The following ADAR variants were observed in gnomAD, a reference collection of about 807,000 sequenced individuals.
The protein encoded by ADAR is double-stranded RNA-specific adenosine deaminase.
A neutral mutation model predicts 113.2 loss-of-function variants in ADAR; 41 were observed. That is an observed-to-expected ratio of 0.36 (90% CI 0.28 to 0.47). ADAR has a LOEUF of 0.47. Among genes scored for constraint, ADAR ranks in the 20% least tolerant of loss-of-function variants. The pLI is 1.00. For synonymous variants in ADAR, 605 were observed against 572.6 expected, an observed-to-expected ratio of 1.06 and a Z score of -0.81; for missense variants, 1,242 against 1,540.9, an observed-to-expected ratio of 0.81 and a Z score of 3.25.
At chr1:154,605,075 C>T (rs778716061) in intron 1 of ADAR, among the ~76,000 whole-genome samples, 2 of 152,184 alleles carry the variant, frequency 1.3e-5, no homozygotes, top group Non-Finnish European at 2.9e-5. Flanking sequence ...CTTTGCTGCC[C>T]GCCTCCTGGC....
chr1:154,627,198 C>T (rs1698963879), intron 1 of ADAR, among the ~76,000 whole-genome samples: 1 of 152,204 alleles, frequency 6.6e-6, no homozygotes, highest in African/African-American at 2.4e-5. Context: ...GGCCGGATTA[C>T]CCTCTAGTGG....
intron 1 of ADAR, among the ~76,000 whole-genome samples, chr1:154,621,996 G>A (rs1553218116): frequency 6.6e-6 from 1 of 152,136 alleles, no homozygotes; most frequent in Non-Finnish European, 1.5e-5. Context: ...GTGTGGCGTG[G>A]CTAGGGTTCC....
At chr1:154,596,076 G>A (rs915881705) in intron 6 of ADAR, among the ~76,000 whole-genome samples, 4 of 152,130 alleles carry the variant, frequency 2.6e-5, no homozygotes, top group African/African-American at 9.7e-5. Context: ...ATGCCATCTA[G>A]GTTTATGTAA....
chr1:154,594,970 A>C (rs1454444371), intron 6 of ADAR, among the ~76,000 whole-genome samples: 1 of 152,240 alleles, frequency 6.6e-6, no homozygotes, highest in Non-Finnish European at 1.5e-5. Flanking sequence ...ACTGCATAAC[A>C]GTGTTTTGTT....
chr1:154,586,247 G>A lies in ADAR; in HGVS notation c.3136C>T (p.Leu1046=). ...GTCAACAGTGCCCCTTGCAGGCCCA[G>A]CACGTTCCAGCGTAGGATTTTGTCA... The part of the protein sequence containing the change: ...CSDKILRWNV[L]GLQGALLTHF... Residue 1046 remains leucine, a synonymous_variant, in exon 12 of 15, where the codon CTG becomes TTG. Coordinates refer to ENST00000368474, the MANE Select transcript of ADAR (RefSeq NM_001111.5). 6.2e-7 allele frequency: 1 copy of A among 1,614,212 alleles called. No individual in the cohort carries two copies. Among genetic ancestry groups the A allele is most frequent in the Non-Finnish European group, 8.5e-7 (1 of 1,180,038 alleles).
chr1:154,601,505 T>G lies in ADAR; in HGVS notation c.1137A>C (p.Ala379=), dbSNP rs757766736. The change falls in exon 2 of 15, where the codon GCA becomes GCC. Residue 379 remains alanine, a synonymous_variant. Transcript: ENST00000368474. The surrounding 1 kb of genome is among the most constrained non-coding windows in gnomAD (Gnocchi z 4.7). The part of the protein sequence containing the change: ...TNSVPETAPA[A]IPETKRNAEF... The stretch of plus-strand genomic sequence containing the variant: ...CTGCGTTTCTTTTGGTCTCAGGGAT[T>G]GCAGCTGGAGCGGTTTCAGGAACAC... 30 of 1,614,062 alleles carry G rather than the reference T, an allele frequency of 1.9e-5. No homozygotes were observed. The highest frequency in any genetic ancestry group is 3.3e-5 in the Admixed American group (2 of 60,020).
At chr1:154,593,636 A>G (rs546468355) in intron 6 of ADAR, among the ~76,000 whole-genome samples, 1 of 152,226 alleles carries the variant, frequency 6.6e-6, no homozygotes, top group Non-Finnish European at 1.5e-5. Context: ...ATGAATTAGT[A>G]GAAGAGCAGC....
Position 154,601,843 on chromosome 1 carries a change from G to C in ADAR, c.799C>G (p.Gln267Glu). 1 of 1,614,228 alleles carries C rather than the reference G, an allele frequency of 6.2e-7. No individual in the cohort carries two copies. The highest frequency in any genetic ancestry group is 8.5e-7 in the Non-Finnish European group (1 of 1,180,040). Reference sequence around the variant, plus strand: ...CCTGGGTCTGAGTTTGGGGATCCTTGGCTATGACTGTCTGGTCTTACCACT... The same window carrying C: ...CCTGGGTCTGAGTTTGGGGATCCTTCGCTATGACTGTCTGGTCTTACCACT... ...SGVVRPDSHS[Q>E]GSPNSDPGLE... Residue 267 changes from glutamine to glutamate, a missense_variant, in exon 2 of 15, where the codon CAA (glutamine) becomes GAA (glutamate). Gln to Glu is a conservative substitution (Grantham distance 29). Transcript: ENST00000368474. This position sits in a 1 kb window ranked among gnomAD's most constrained non-coding sequence, Gnocchi z 4.7.
Position 154,601,194 on chromosome 1 carries a change from T to C in ADAR, c.1448A>G (p.Tyr483Cys), listed in dbSNP as rs749568324. The change falls in exon 2 of 15, where the codon TAC becomes TGC. Residue 483 changes from tyrosine to cysteine, a missense_variant. Physicochemically the swap from Tyr to Cys is radical, Grantham distance 194 (BLOSUM62 -2). Transcript: ENST00000368474. The surrounding 1 kb of genome is among the most constrained non-coding windows in gnomAD (Gnocchi z 4.7). The stretch of plus-strand genomic sequence containing the variant: ...TGAACACCGTGGCAAGCCATGACTG[T>C]AGAAGGAGGGCATCTCCATGATGGC... ...FRAIMEMPSF[Y>C]SHGLPRCSPY... 1.6e-5 allele frequency: 26 copies of C among 1,614,188 alleles called. No individual in the cohort carries two copies. Among genetic ancestry groups the C allele is most frequent in the Non-Finnish European group, 1.7e-5 (20 of 1,180,014 alleles).
In ADAR at chr1:154,589,480, A is replaced by T. The variant is rs1205387812; in HGVS notation, c.2669-18T>A. On this transcript the variant is annotated intron_variant, in intron 8 of 14. Transcript: ENST00000368474. Reference sequence around the variant, plus strand: ...GCGATTCCCTAGGAAGGTGTTTAAAACAGAAATAGAATAATGGAAGGAAAC... The same window carrying T: ...GCGATTCCCTAGGAAGGTGTTTAAATCAGAAATAGAATAATGGAAGGAAAC... 6.3e-7 allele frequency: 1 copy of T among 1,594,282 alleles called. No individual in the cohort carries two copies. Among genetic ancestry groups the T allele is most frequent in the Non-Finnish European group, 8.6e-7 (1 of 1,162,196 alleles).
chr1:154,621,339 A>G (rs558407849), intron 1 of ADAR, among the ~76,000 whole-genome samples: 1 of 152,142 alleles, frequency 6.6e-6, no homozygotes, highest in South Asian at 2.1e-4. Context: ...TTATGCTCAC[A>G]AGCAAAAGAA....
exon 1 of ADAR, chr1:154,627,918 T>TCCCCCCCCCCCCCCCCCCCC: frequency 3.3e-5 from 13 of 399,600 alleles, no homozygotes; most frequent in Non-Finnish European, 4.9e-5. Context: ...GCCGCGACCC[T>TCCCCCCCCCCCCCCCCCCCC]CCCCCCACCC....
chr1:154,588,234 G>C lies in ADAR; in HGVS notation c.2910C>G (p.Ala970=). ...YISTAPCGDG[A]LFDKSCSDRA... ...GGTCGCTGCAGGACTTGTCAAAGAG[G>C]GCGCCATCTCCACACGGAGCAGTGC... Residue 970 remains alanine, a synonymous_variant, in exon 11 of 15, where the codon GCC becomes GCG. Coordinates refer to ENST00000368474, the MANE Select transcript of ADAR (RefSeq NM_001111.5). The C allele has an allele frequency of 6.2e-7, 1 of 1,614,134 alleles. No individual in the cohort carries two copies. Among genetic ancestry groups the C allele is most frequent in the Non-Finnish European group, 8.5e-7 (1 of 1,180,032 alleles).
chr1:154,618,931 G>A (rs1698709307), intron 1 of ADAR, among the ~76,000 whole-genome samples: 1 of 152,170 alleles, frequency 6.6e-6, no homozygotes, highest in Non-Finnish European at 1.5e-5. Flanking sequence ...CCAACATGGC[G>A]AAACCCCGTC....
At chr1:154,596,726 AAG>A in intron 6 of ADAR, 77 bp downstream of exon 6, 1 of 1,553,158 alleles carries the variant, frequency 6.4e-7, no homozygotes, top group African/African-American at 1.4e-5. Context: ...TACACAGCTA[AAG>A]CACACCCTTG....
At chr1:154,609,304 AG>A (rs1486014213), upstream of ADAR, among the ~76,000 whole-genome samples, 1 of 152,208 alleles carries the variant, frequency 6.6e-6, no homozygotes, top group Non-Finnish European at 1.5e-5. Flanking sequence ...TTTTTGTTCA[AG>A]GTATCTGGGA....
chr1:154,613,793 A>G (rs1238364164), intron 1 of ADAR, among the ~76,000 whole-genome samples: 1 of 151,782 alleles, frequency 6.6e-6, no homozygotes, highest in Non-Finnish European at 1.5e-5. Context: ...AATCCTAGCT[A>G]CTAGGGAGGC....
chr1:154,585,445 A>G (rs1389945382), intron 13 of ADAR, 101 bp from the exon 14 acceptor site: 1 of 1,554,104 alleles, frequency 6.4e-7, no homozygotes, highest in Non-Finnish European at 8.8e-7. Context: ...GTGTGGGGTC[A>G]TGATCTTTCC....
At chr1:154,593,653 G>A (rs1194474141) in intron 6 of ADAR, among the ~76,000 whole-genome samples, 1 of 152,208 alleles carries the variant, frequency 6.6e-6, no homozygotes, top group African/African-American at 2.4e-5. Flanking sequence ...CAGCTGGAGG[G>A]AGACTGGGCC....
Sources: gnomAD v4.1 joint callset for allele counts (sites outside exome capture counted in the v4.1 genomes callset) on GRCh38, gnomAD v4.1.1 for gene constraint, Gnocchi (gnomAD v3.1) non-coding constraint, MANE v1.5 for transcripts, NCBI Gene and HGNC (gene_info 2026-07-23, HGNC 2026-07-21) for gene names.